The following NTN1 variants were observed in gnomAD, a reference collection of about 807,000 sequenced individuals.
The protein encoded by NTN1 is netrin 1.
Under a neutral mutation model 54.2 loss-of-function variants are expected in NTN1, and 11 were observed. The ratio of observed to expected loss-of-function variants is 0.20; its 90% CI spans 0.13 to 0.34. NTN1 has a LOEUF of 0.34. Among genes scored for constraint, NTN1 ranks in the 10% least tolerant of loss-of-function variants. The pLI, the probability that NTN1 is intolerant of heterozygous loss-of-function variation, is 1.00. For synonymous variants in NTN1, 371 were observed against 382.0 expected (o/e 0.97, Z 0.33); for missense variants, 740 against 893.1 (o/e 0.83, Z 2.18).
intron 6 of NTN1, among the ~76,000 whole-genome samples, chr17:9,230,185 T>C (rs1007955560): frequency 6.6e-6 from 1 of 152,118 alleles, no homozygotes; most frequent in Non-Finnish European, 1.5e-5. Context: ...TTTGTAGGGA[T>C]GAAGTTACTA....
chr17:9,094,125 A>T (rs1461078182), intron 2 of NTN1, among the ~76,000 whole-genome samples: 1 of 152,196 alleles, frequency 6.6e-6, no homozygotes, highest in Non-Finnish European at 1.5e-5. Flanking sequence ...TACAAACAGG[A>T]TTTTATATTC....
At chr17:9,156,595 G>T (rs1161544196) in intron 2 of NTN1, among the ~76,000 whole-genome samples, 1 of 152,188 alleles carries the variant, frequency 6.6e-6, no homozygotes, top group Non-Finnish European at 1.5e-5. Context: ...CAACACTTAT[G>T]GTTTGGTAAA....
At chr17:9,228,040 C>A (rs1905659670) in intron 6 of NTN1, among the ~76,000 whole-genome samples, 1 of 152,184 alleles carries the variant, frequency 6.6e-6, no homozygotes, top group South Asian at 2.1e-4. Flanking sequence ...CCATCCTGCC[C>A]TGGGTGCTGA....
intron 4 of NTN1, 140 bp from the exon 5 acceptor site, chr17:9,182,776 G>C: frequency 2.3e-6 from 2 of 868,674 alleles, no homozygotes; most frequent in Admixed American, 3.9e-5. Context: ...TTCTCCTCTT[G>C]AGCCAAGGAG....
chr17:9,084,902 C>T (rs1445467593), intron 2 of NTN1, among the ~76,000 whole-genome samples: 1 of 152,046 alleles, frequency 6.6e-6, no homozygotes, highest in African/African-American at 2.4e-5. Flanking sequence ...CTGCCTGCCT[C>T]GGCCTCCCAA....
At chr17:9,192,954 C>T (rs1904502322) in intron 5 of NTN1, among the ~76,000 whole-genome samples, 1 of 151,996 alleles carries the variant, frequency 6.6e-6, no homozygotes, top group Non-Finnish European at 1.5e-5. Flanking sequence ...GTGGCACGCG[C>T]CTGTAGTCCC....
At chr17:9,196,757 G>A (rs1904644947) in intron 5 of NTN1, among the ~76,000 whole-genome samples, 2 of 152,166 alleles carry the variant, frequency 1.3e-5, no homozygotes, top group African/African-American at 4.8e-5. Flanking sequence ...GTCTCTGCTT[G>A]AGTACAGTGT....
chr17:9,052,303 G>T (rs1487130600), intron 2 of NTN1, among the ~76,000 whole-genome samples: 2 of 152,208 alleles, frequency 1.3e-5, no homozygotes, highest in Non-Finnish European at 2.9e-5. Context: ...GTGAGCCTGA[G>T]TTAAGGGCAT....
intron 5 of NTN1, among the ~76,000 whole-genome samples, chr17:9,208,974 G>A (rs1003019340): frequency 1.6e-4 from 24 of 152,226 alleles, no homozygotes; most frequent in Non-Finnish European, 3.2e-4. Flanking sequence ...ATCTGGCCCT[G>A]CCTTTCCCAC....
At chr17:9,121,992 T>C (rs1283901265) in intron 2 of NTN1, among the ~76,000 whole-genome samples, 2 of 152,168 alleles carry the variant, frequency 1.3e-5, no homozygotes, top group African/African-American at 4.8e-5. Flanking sequence ...GATATTATCT[T>C]TCTCTGTACG....
the NTN1 span, among the ~76,000 whole-genome samples, chr17:9,013,285 C>T: frequency 4.8e-5 from 7 of 144,556 alleles, no homozygotes; most frequent in African/African-American, 1.0e-4. Flanking sequence ...GGTGCAATCT[C>T]GGCTCACTGC....
At chr17:9,132,295 C>T (rs866400446) in intron 2 of NTN1, among the ~76,000 whole-genome samples, 4 of 152,280 alleles carry the variant, frequency 2.6e-5, no homozygotes, top group African/African-American at 7.2e-5. Flanking sequence ...TTTCCACCTC[C>T]AAACCTTTGT....
chr17:9,115,985 G>A (rs2092210828), intron 2 of NTN1, among the ~76,000 whole-genome samples: 1 of 152,256 alleles, frequency 6.6e-6, no homozygotes. Flanking sequence ...AGGCTGGGTG[G>A]CCCTTTCTTT....
chr17:9,039,221 C>T (rs956408367), intron 2 of NTN1, among the ~76,000 whole-genome samples: 11 of 152,054 alleles, frequency 7.2e-5, no homozygotes, highest in Admixed American at 3.9e-4. Context: ...GCTATTCTTG[C>T]TTGCTTGTTT....
At chr17:9,196,536 CA>C (rs1281884350) in intron 5 of NTN1, among the ~76,000 whole-genome samples, 1 of 152,246 alleles carries the variant, frequency 6.6e-6, no homozygotes, top group Non-Finnish European at 1.5e-5. Context: ...TGCGGCCACA[CA>C]ATGCAAGTCT....
chr17:9,123,578 C>T (rs2092237423), intron 2 of NTN1, among the ~76,000 whole-genome samples: 1 of 152,184 alleles, frequency 6.6e-6, no homozygotes, highest in African/African-American at 2.4e-5. Flanking sequence ...TGTTCACTTA[C>T]ATTTTCTTCC....
chr17:9,123,429 T>C (rs1218117320), intron 2 of NTN1, among the ~76,000 whole-genome samples: 1 of 152,228 alleles, frequency 6.6e-6, no homozygotes, highest in Non-Finnish European at 1.5e-5. Context: ...TTCTCCCAGG[T>C]TGTAATTGAC....
intron 2 of NTN1, among the ~76,000 whole-genome samples, chr17:9,156,626 C>G (rs1050661322): frequency 6.6e-6 from 1 of 152,214 alleles, no homozygotes; most frequent in Non-Finnish European, 1.5e-5. Flanking sequence ...ACAATGGATG[C>G]AGATTCAGTC....
At chr17:9,226,859 TG>T (rs1465357032) in intron 6 of NTN1, among the ~76,000 whole-genome samples, 33 of 152,100 alleles carry the variant, frequency 2.2e-4, no homozygotes, top group Admixed American at 9.8e-4. Context: ...AGCAAGGCCC[TG>T]CTGGAGGCAC....
Sources: gnomAD v4.1 joint callset for allele counts (sites outside exome capture counted in the v4.1 genomes callset) on GRCh38, gnomAD v4.1.1 for gene constraint, MANE v1.5 for transcripts, NCBI Gene and HGNC (gene_info 2026-07-23, HGNC 2026-07-21) for gene names.